Variants in WSCD2 observed in about 807,000 individuals in gnomAD.
The protein encoded by WSCD2 is WSC domain sialate O sulfotransferase 2.
In WSCD2, 28 loss-of-function variants were observed where a neutral mutation model predicts 55.7. That is an observed-to-expected ratio of 0.50 (90% CI 0.37 to 0.69). The LOEUF (loss-of-function observed/expected upper bound fraction) is 0.69. Among genes scored for constraint, WSCD2 ranks in the 30% least tolerant of loss-of-function variants. The probability of loss-of-function intolerance (pLI) is 0.00; values close to 1 mark genes in which losing one functional copy is unlikely to be tolerated. For missense variants in WSCD2, 616 were observed against 762.1 expected (o/e 0.81, Z 2.26); for synonymous variants, 301 against 301.9 (o/e 1.00, Z 0.03).
chr12:108,248,165 T>C lies in WSCD2; in HGVS notation c.1520T>C (p.Leu507Pro), dbSNP rs1890219391. The C allele has an allele frequency of 6.2e-7, 1 of 1,614,218 alleles. No homozygotes were observed. The change falls in exon 9 of 9, where the codon CTG becomes CCG. Residue 507 changes from leucine (L) to proline (P), a missense_variant. Leu to Pro is a moderately conservative substitution (Grantham distance 98). Coordinates refer to ENST00000547525, the MANE Select transcript of WSCD2 (RefSeq NM_014653.4). The surrounding 1 kb of genome is among the most constrained non-coding windows in gnomAD (Gnocchi z 4.3). Reference protein sequence around the residue: ...LLGVAVREDRLLCVESQKDGN... With the variant: ...LLGVAVREDRPLCVESQKDGN... ...GGCGTGGCTGTCAGGGAGGACCGGC[T>C]GCTCTGTGTGGAGAGCCAGAAGGAT...
At chr12:108,234,240 G>T (rs1236053307) in intron 7 of WSCD2, among the ~76,000 whole-genome samples, 4 of 152,230 alleles carry the variant, frequency 2.6e-5, no homozygotes, top group African/African-American at 9.6e-5. Context: ...GTTGGCTCTG[G>T]GTACTCTGGT....
intron 7 of WSCD2, among the ~76,000 whole-genome samples, chr12:108,238,415 C>T (rs1472525978): frequency 6.6e-6 from 1 of 152,208 alleles, no homozygotes; most frequent in African/African-American, 2.4e-5. Flanking sequence ...TCTATGGACC[C>T]CTGTCTCCAG....
In WSCD2 at chr12:108,195,593, G is replaced by A. The variant is rs1336470975; in HGVS notation, c.-240G>A. ...TCTGAGCCTCAAAACCCCCTTGTTG[G>A]CCCAAAGAAGCTCACCTTCAGTTTG... On this transcript the variant is annotated 5_prime_UTR_variant, in exon 2 of 9. Transcript: ENST00000547525. 1.8e-6 allele frequency: 1 copy of A among 553,572 alleles called. No homozygotes were observed. Among genetic ancestry groups the A allele is most frequent in the Admixed American group, 3.4e-5 (1 of 29,076 alleles). The allele number at this position is 553,572 out of a possible 1,614,324, so 34.3% of individuals were successfully genotyped here. A position where few individuals can be genotyped will look rare whatever the true frequency, so the allele number is the denominator to read the frequency against.
chr12:108,238,545 G>A (rs1419397375), intron 7 of WSCD2, among the ~76,000 whole-genome samples: 12 of 152,228 alleles, frequency 7.9e-5, no homozygotes, highest in Admixed American at 7.9e-4. Flanking sequence ...CTCAGTCCAT[G>A]ATTTCACCCT....
At chr12:108,213,385 A>G (rs973967939) in intron 4 of WSCD2, among the ~76,000 whole-genome samples, 1 of 152,228 alleles carries the variant, frequency 6.6e-6, no homozygotes, top group Non-Finnish European at 1.5e-5. Flanking sequence ...AGGGACAGCC[A>G]TGTGTTCTAA....
intron 1 of WSCD2, among the ~76,000 whole-genome samples, chr12:108,185,146 TC>T (rs1326628766): frequency 6.6e-6 from 1 of 152,160 alleles, no homozygotes; most frequent in East Asian, 1.9e-4. Context: ...TTCTAAATCC[TC>T]CCACAAGCCT....
At chr12:108,240,078 T>A (rs1889601960) in intron 7 of WSCD2, among the ~76,000 whole-genome samples, 1 of 152,206 alleles carries the variant, frequency 6.6e-6, no homozygotes, top group Non-Finnish European at 1.5e-5. Context: ...TGGTTTTACA[T>A]TTATTTGTGT....
Position 108,193,759 on chromosome 12 carries a change from A to G in WSCD2, c.-551-1523A>G, listed in dbSNP as rs545977001. On this transcript the variant is annotated intron_variant, in intron 1 of 8. Coordinates refer to ENST00000547525, the MANE Select transcript of WSCD2 (RefSeq NM_014653.4). Reference sequence around the variant, plus strand: ...ACTGGATGGGTAGGTGGACTGCTGGATGACAGACGGATGGATAGATGGACA... The same window carrying G: ...ACTGGATGGGTAGGTGGACTGCTGGGTGACAGACGGATGGATAGATGGACA... Among the ~76,000 whole-genome samples, 8 of 152,314 alleles carry G rather than the reference A, an allele frequency of 5.3e-5. No individual in the cohort carries two copies. The South Asian group carries it at 1.7e-3, about 32-fold the overall frequency.
chr12:108,214,893 A>AT (rs1383228565), intron 4 of WSCD2, among the ~76,000 whole-genome samples: 1 of 152,084 alleles, frequency 6.6e-6, no homozygotes, highest in African/African-American at 2.4e-5. Context: ...AATTCCGGCA[A>AT]TTTTTTGTCT....
intron 5 of WSCD2, among the ~76,000 whole-genome samples, chr12:108,226,040 C>A (rs75148617): frequency 0.068 from 10,299 of 152,002 alleles, 565 homozygotes; most frequent in African/African-American, 0.16. Flanking sequence ...CAGTAAATGC[C>A]CCCTTGGTGT....
intron 7 of WSCD2, among the ~76,000 whole-genome samples, chr12:108,236,582 TTC>T (rs10538375): frequency 0.17 from 25,460 of 148,776 alleles, 2,280 homozygotes; most frequent in African/African-American, 0.23. Context: ...CTCTCTCTCA[TTC>T]TCTCTCTCTC....
intron 1 of WSCD2, among the ~76,000 whole-genome samples, chr12:108,164,352 TA>T (rs1468407710): frequency 6.6e-6 from 1 of 152,000 alleles, no homozygotes; most frequent in Non-Finnish European, 1.5e-5. Context: ...CACCAGAGAT[TA>T]ATTTGCCTGT....
In WSCD2 at chr12:108,232,885, C is replaced by G. The variant is rs1312703986; in HGVS notation, c.1134C>G (p.Leu378=). 1.9e-6 allele frequency: 3 copies of G among 1,612,682 alleles called. No individual in the cohort carries two copies. Among genetic ancestry groups the G allele is most frequent in the Non-Finnish European group, 2.5e-6 (3 of 1,178,898 alleles). Residue 378 remains leucine (L), a synonymous_variant, in exon 7 of 9, where the codon CTC becomes CTG. Transcript: ENST00000547525. Reference sequence around the variant, plus strand: ...GCAGCTACTACTTCGATGGCTCCCTCTACAACAAAGGTGAGGAGATGGCAG... The same window carrying G: ...GCAGCTACTACTTCGATGGCTCCCTGTACAACAAAGGTGAGGAGATGGCAG... ...YTGSYYFDGS[L]YNKGFKGERD...
intron 1 of WSCD2, among the ~76,000 whole-genome samples, chr12:108,134,242 C>G (rs918090122): frequency 2.0e-5 from 3 of 152,154 alleles, no homozygotes; most frequent in Non-Finnish European, 2.9e-5. Context: ...CCTCCCTCCT[C>G]CCTGTATCCA....
At chr12:108,194,388 CAAGTG>C (rs1389823811) in intron 1 of WSCD2, among the ~76,000 whole-genome samples, 1 of 152,182 alleles carries the variant, frequency 6.6e-6, no homozygotes, top group Admixed American at 6.5e-5. Flanking sequence ...TCTGAATTCT[CAAGTG>C]ATGTCCAGAC....
chr12:108,190,612 T>C (rs1655580646), intron 1 of WSCD2, among the ~76,000 whole-genome samples: 1 of 152,184 alleles, frequency 6.6e-6, no homozygotes, highest in Non-Finnish European at 1.5e-5. Flanking sequence ...CAGGCAGCTC[T>C]TCCCCACCCA....
At chr12:108,173,807 T>TCG in intron 1 of WSCD2, among the ~76,000 whole-genome samples, 1 of 129,036 alleles carries the variant, frequency 7.7e-6, no homozygotes, top group East Asian at 2.3e-4. Flanking sequence ...GATTCCTGGC[T>TCG]CTCTGTGTGT....
At chr12:108,226,943 A>G (rs766667490) in intron 5 of WSCD2, 47 bp from the exon 6 acceptor site, 22 of 1,580,004 alleles carry the variant, frequency 1.4e-5, no homozygotes, top group Non-Finnish European at 1.9e-5. Context: ...GAAGCTGTCC[A>G]GGGATTTAGC....
chr12:108,190,010 T>C (rs182424397), intron 1 of WSCD2, among the ~76,000 whole-genome samples: 1 of 152,306 alleles, frequency 6.6e-6, no homozygotes, highest in African/African-American at 2.4e-5. Context: ...CTAATACATA[T>C]AGATATGATA....
Sources: gnomAD v4.1 joint callset for allele counts (sites outside exome capture counted in the v4.1 genomes callset) on GRCh38, gnomAD v4.1.1 for gene constraint, Gnocchi (gnomAD v3.1) non-coding constraint, MANE v1.5 for transcripts, NCBI Gene and HGNC (gene_info 2026-07-23, HGNC 2026-07-21) for gene names.